The following WDR1 variants were observed in gnomAD, a reference collection of about 807,000 sequenced individuals.
The protein encoded by WDR1 is WD repeat-containing protein 1.
WDR1 carries 21 observed loss-of-function variants against 71.9 expected under a neutral mutation model. The observed-to-expected ratio is 0.29, with a 90% CI of 0.21 to 0.42. WDR1 has a LOEUF of 0.42. WDR1 is among the 10% of genes least tolerant of loss of function. The pLI, the probability that WDR1 is intolerant of heterozygous loss-of-function variation, is 1.00. For missense variants in WDR1, 696 were observed against 824.5 expected (o/e 0.84, Z 1.91); for synonymous variants, 424 against 347.4 (o/e 1.22, Z -2.45).
At chr4:10,112,992 C>T (rs1428015779) in intron 2 of WDR1, among the ~76,000 whole-genome samples, 1 of 152,192 alleles carries the variant, frequency 6.6e-6, no homozygotes, top group Non-Finnish European at 1.5e-5. Flanking sequence ...ATGAGAAAGA[C>T]AGAAGGCCGG....
Position 10,116,113 on chromosome 4 carries a change from G to C in WDR1, c.138C>G (p.Asp46Glu). Residue 46 changes from aspartate to glutamate, a missense_variant and splice_region_variant, in exon 2 of 15, where the codon GAC becomes GAG. By Grantham distance (45) the Asp-to-Glu change is conservative. Coordinates refer to ENST00000499869, the MANE Select transcript of WDR1 (RefSeq NM_017491.5). The part of the protein sequence containing the change: ...NGKCVILRNI[D>E]NPALADIYTE... ...CGCGCCCGGGGTAGGGGGTACTCAC[G>C]TCGATGTTCCTTAGGATGACGCACT... 6.2e-7 allele frequency: 1 copy of C among 1,612,400 alleles called. No individual in the cohort carries two copies. The highest frequency in any genetic ancestry group is 8.5e-7 in the Non-Finnish European group (1 of 1,179,176).
At chr4:10,105,038 T>C (rs1349709276) in intron 2 of WDR1, among the ~76,000 whole-genome samples, 2 of 152,158 alleles carry the variant, frequency 1.3e-5, no homozygotes, top group African/African-American at 2.4e-5. Context: ...TCTGCCATCC[T>C]GTTTAAGCTC....
chr4:10,083,014 G>A lies in WDR1; in HGVS notation c.1196+8C>T, dbSNP rs1433591918. On this transcript the variant is annotated splice_region_variant and intron_variant, in intron 10 of 14. Transcript: ENST00000499869. The stretch of plus-strand genomic sequence containing the variant: ...ATCCGGAACCCCCGCAGACCCGAGT[G>A]CTCTCACCTGTAGTCCCGCAGCATG... The A allele has an allele frequency of 6.2e-7, 1 of 1,607,258 alleles. No individual in the cohort carries two copies. Among genetic ancestry groups the A allele is most frequent in the Non-Finnish European group, 8.5e-7 (1 of 1,175,352 alleles).
intron 2 of WDR1, among the ~76,000 whole-genome samples, chr4:10,115,148 C>A (rs1713631830): frequency 6.6e-6 from 1 of 152,244 alleles, no homozygotes; most frequent in Non-Finnish European, 1.5e-5. Context: ...GCCGCCCCCA[C>A]TAAGCACAGC....
intron 8 of WDR1, among the ~76,000 whole-genome samples, chr4:10,084,821 C>G (rs1372835500): frequency 6.6e-6 from 1 of 152,232 alleles, no homozygotes; most frequent in African/African-American, 2.4e-5. Flanking sequence ...AACCAAGGCC[C>G]AGCACGTCAG....
intron 2 of WDR1, chr4:10,115,844 C>T: frequency 2.4e-6 from 1 of 423,398 alleles, no homozygotes; most frequent in South Asian, 2.7e-5. Flanking sequence ...CTTCCAAGAT[C>T]AGAGGCGATC....
chr4:10,086,592 C>T (rs905130387), intron 8 of WDR1, among the ~76,000 whole-genome samples: 2 of 152,226 alleles, frequency 1.3e-5, no homozygotes, highest in African/African-American at 4.8e-5. Context: ...GGGCCGAGTG[C>T]ACAGGCCCGG....
rs1354503931 is a variant in WDR1 at position 10,113,181 on chromosome 4, A to G, written c.138+2932T>C. Among the ~76,000 whole-genome samples, 3 of 152,194 alleles carry G rather than the reference A, an allele frequency of 2.0e-5. No homozygotes were observed. In the East Asian group the frequency reaches 5.8e-4, roughly 29 times the overall value. On this transcript the variant is annotated intron_variant, in intron 2 of 14. Coordinates refer to ENST00000499869, the MANE Select transcript of WDR1 (RefSeq NM_017491.5). ...CAAGATCAGCCTGGCCAACACGGCGAAACCCCGTTACCTACTAAAAAATAC... is the reference window on the plus strand; with the variant it reads ...CAAGATCAGCCTGGCCAACACGGCGGAACCCCGTTACCTACTAAAAAATAC...
chr4:10,085,796 T>C (rs1019511605), intron 8 of WDR1, among the ~76,000 whole-genome samples: 1 of 152,218 alleles, frequency 6.6e-6, no homozygotes, highest in African/African-American at 2.4e-5. Context: ...CCTGGGCTGA[T>C]ACCTGCTGCT....
intron 5 of WDR1, chr4:10,096,546 T>G: frequency 6.6e-6 from 1 of 151,444 alleles, no homozygotes; most frequent in South Asian, 2.1e-4. Context: ...CGTGACAAAA[T>G]GAAGCCTGTT....
chr4:10,088,793 G>A (rs1289976015), intron 5 of WDR1, 52 bp from the exon 6 acceptor site: 12 of 1,352,732 alleles, frequency 8.9e-6, no homozygotes, highest in Non-Finnish European at 1.2e-5. Context: ...CTGACTCTAG[G>A]TTCAAGAATG....
intron 2 of WDR1, among the ~76,000 whole-genome samples, chr4:10,105,942 G>A (rs999092532): frequency 6.6e-6 from 1 of 152,238 alleles, no homozygotes; most frequent in African/African-American, 2.4e-5. Flanking sequence ...GGAACAAAGT[G>A]CAAATGCACT....
intron 2 of WDR1, among the ~76,000 whole-genome samples, chr4:10,112,640 C>G (rs1055965733): frequency 6.6e-6 from 1 of 152,222 alleles, no homozygotes; most frequent in Non-Finnish European, 1.5e-5. Flanking sequence ...GGCAACGGTG[C>G]TCGCCTCTTA....
In WDR1 at chr4:10,103,966, G is replaced by A; in HGVS notation, c.159C>T (p.Ile53=). 1 of 1,601,554 alleles carries A rather than the reference G, an allele frequency of 6.2e-7. No homozygotes were observed. The highest frequency in any genetic ancestry group is 8.5e-7 in the Non-Finnish European group (1 of 1,174,300). The change falls in exon 3 of 15, where the codon ATC becomes ATT. Residue 53 remains isoleucine, a synonymous_variant. Coordinates refer to ENST00000499869, the MANE Select transcript of WDR1 (RefSeq NM_017491.5). ...RNIDNPALAD[I]YTEHAHQVVV... ...CCACCTGATGGGCGTGCTCTGTGTAGATGTCAGCAAGGGCTGGGTTCTGCA... is the reference window on the plus strand; with the variant it reads ...CCACCTGATGGGCGTGCTCTGTGTAAATGTCAGCAAGGGCTGGGTTCTGCA...
chr4:10,114,127 G>T (rs1713563154), intron 2 of WDR1, among the ~76,000 whole-genome samples: 2 of 152,096 alleles, frequency 1.3e-5, no homozygotes, highest in Admixed American at 6.6e-5. Flanking sequence ...ACTAACAAGA[G>T]ACTCAGTGCC....
At chr4:10,079,105 T>A in intron 11 of WDR1, 104 bp from the exon 12 acceptor site, 4 of 910,430 alleles carry the variant, frequency 4.4e-6, no homozygotes, top group Non-Finnish European at 6.6e-6. Flanking sequence ...GAGCTGGGTT[T>A]GGCTCCATAC....
chr4:10,109,137 T>G (rs1394403945), intron 2 of WDR1, among the ~76,000 whole-genome samples: 4 of 152,238 alleles, frequency 2.6e-5, no homozygotes, highest in African/African-American at 9.6e-5. Flanking sequence ...CAACACCTGC[T>G]GTAAGGAAGG....
chr4:10,087,134 C>T (rs909212082), intron 8 of WDR1, among the ~76,000 whole-genome samples: 1 of 152,216 alleles, frequency 6.6e-6, no homozygotes, highest in African/African-American at 2.4e-5. Context: ...ACACCTGGGA[C>T]CCATGGATGA....
chr4:10,099,185 TAA>T, intron 3 of WDR1, 46 bp from the exon 4 acceptor site: 1 of 353,400 alleles, frequency 2.8e-6, no homozygotes, highest in Admixed American at 4.5e-5. Context: ...GGTGGTGGGG[TAA>T]AGGGCAGGGG....
Sources: gnomAD v4.1 joint callset for allele counts (sites outside exome capture counted in the v4.1 genomes callset) on GRCh38, gnomAD v4.1.1 for gene constraint, MANE v1.5 for transcripts, NCBI Gene and HGNC (gene_info 2026-07-23, HGNC 2026-07-21) for gene names.